The following SLC7A5 variants were observed in gnomAD, a reference collection of about 807,000 sequenced individuals.
The protein encoded by SLC7A5 is large neutral amino acids transporter small subunit 1.
In SLC7A5, 23 loss-of-function variants were observed where a neutral mutation model predicts 50.2. The ratio of observed to expected loss-of-function variants is 0.46; its 90% CI spans 0.33 to 0.65. SLC7A5 has a LOEUF of 0.65. SLC7A5 is among the 30% of genes least tolerant of loss of function. The probability of loss-of-function intolerance (pLI) is 0.02; values close to 1 mark genes in which losing one functional copy is unlikely to be tolerated. For missense variants in SLC7A5, 578 were observed against 684.4 expected (o/e 0.84, Z 1.73); for synonymous variants, 393 against 330.6 (o/e 1.19, Z -2.05).
intron 2 of SLC7A5, among the ~76,000 whole-genome samples, chr16:87,844,818 T>G (rs1597500723): frequency 6.6e-6 from 1 of 152,218 alleles, no homozygotes; most frequent in African/African-American, 2.4e-5. Flanking sequence ...CCCTTGGGGC[T>G]CTAGGTGGAG....
rs767714561 is a variant in SLC7A5, at chr16:87,839,763, T to C, written c.878A>G (p.Asn293Ser). ...PIVTLVYVLTNLAYFTTLSTE... is the reference protein window; with the variant it reads ...PIVTLVYVLTSLAYFTTLSTE... ...GGACAGGGTGGTGAAGTAGGCCAGGTTGGTCAGCACGTACACCAGCGTCAC... is the reference window on the plus strand; with the variant it reads ...GGACAGGGTGGTGAAGTAGGCCAGGCTGGTCAGCACGTACACCAGCGTCAC... The change falls in exon 5 of 10, where the codon AAC (asparagine) becomes AGC (serine). Residue 293 changes from asparagine (N) to serine (S), a missense_variant. Around this residue, in one of 2 missense-constraint regions of SLC7A5, gnomAD observed 465 missense variants for 594.6 expected, o/e 0.78. Transcript: ENST00000261622. 3.1e-6 allele frequency: 5 copies of C among 1,613,590 alleles called. No homozygotes were observed. The African/African-American group carries it at 4.0e-5, about 13-fold the overall frequency.
At position 87,858,431 on chromosome 16, in the gene SLC7A5, C is replaced by T. The variant is rs543482956; in HGVS notation, c.539-6582G>A. ...CATCTGTGGTCCGGAAACCCACGCCCCACTCCAAACCCTCTACAGCTCCAA... is the reference window on the plus strand; with the variant it reads ...CATCTGTGGTCCGGAAACCCACGCCTCACTCCAAACCCTCTACAGCTCCAA... On this transcript the variant is annotated intron_variant, in intron 1 of 9. Transcript: ENST00000261622. Among the ~76,000 whole-genome samples the T allele has an allele frequency of 3.5e-4, 54 of 152,246 alleles. 1 individual carries two copies. The South Asian group carries it at 0.011, about 32-fold the overall frequency.
At chr16:87,858,600 A>G (rs1328805338) in intron 1 of SLC7A5, among the ~76,000 whole-genome samples, 1 of 152,164 alleles carries the variant, frequency 6.6e-6, no homozygotes, top group Non-Finnish European at 1.5e-5. Flanking sequence ...CCACTTGGTG[A>G]AAGTCACACA....
chr16:87,830,534 G>C lies in SLC7A5; in HGVS notation c.*2436C>G, dbSNP rs1056171082. ...CTGTGGAATTCCAGCACAGCAGGAG[G>C]GGGAGGGGGAAGCAGGCCTCAGTCA... On this transcript the variant is annotated 3_prime_UTR_variant, in exon 10 of 10. Coordinates refer to ENST00000261622, the MANE Select transcript of SLC7A5 (RefSeq NM_003486.7). 2 of 152,614 alleles carry C rather than the reference G, an allele frequency of 1.3e-5. No homozygotes were observed. The highest frequency in any genetic ancestry group is 2.9e-5 in the Non-Finnish European group (2 of 68,226). 9.5% of individuals were successfully genotyped at this position (152,614 alleles called of 1,614,324 possible). A position where few individuals can be genotyped will look rare whatever the true frequency, so the allele number is the denominator to read the frequency against.
intron 7 of SLC7A5, among the ~76,000 whole-genome samples, chr16:87,836,991 C>T (rs1031761816): frequency 3.9e-5 from 6 of 152,186 alleles, no homozygotes; most frequent in Non-Finnish European, 7.4e-5. Context: ...GCTCTGTGTG[C>T]GAGGGCCACA....
In SLC7A5 at chr16:87,844,289, G is replaced by A. The variant is rs186702119; in HGVS notation, c.665-3134C>T. Among the ~76,000 whole-genome samples, 212 of 152,310 alleles carry A rather than the reference G, an allele frequency of 1.4e-3. 1 individual carries two copies. In the East Asian group the frequency reaches 0.028, roughly 20 times the overall value. ...GGGGAAGGCAAACTGCAAACGCCGC[G>A]GCGACCCCGGCACAGCAGCCCTGTC... On this transcript the variant is annotated intron_variant, in intron 2 of 9. Transcript: ENST00000261622.
intron 1 of SLC7A5, among the ~76,000 whole-genome samples, chr16:87,859,754 C>T (rs377578329): frequency 1.1e-3 from 173 of 151,916 alleles, no homozygotes; most frequent in African/African-American, 3.7e-3. Context: ...GCCCGACCAA[C>T]ATGGAGAAAC....
chr16:87,868,735 T>G, intron 1 of SLC7A5, 150 bp downstream of exon 1: 1 of 805,608 alleles, frequency 1.2e-6, no homozygotes, highest in Non-Finnish European at 2.1e-6. Context: ...CGCACGTGGT[T>G]TCTGGGACCA....
At chr16:87,866,474 C>CT (rs1262547352) in intron 1 of SLC7A5, among the ~76,000 whole-genome samples, 6 of 150,730 alleles carry the variant, frequency 4.0e-5, no homozygotes, top group East Asian at 3.9e-4. Flanking sequence ...CTGATTTTTG[C>CT]TTTTTTTTTG....
At chr16:87,854,107 C>T (rs1226433669) in intron 1 of SLC7A5, 1 of 148,174 alleles carries the variant, frequency 6.7e-6, no homozygotes, top group African/African-American at 2.5e-5. Flanking sequence ...CCCTGCCTGC[C>T]CAGTTCCAAC....
chr16:87,838,357 T>C (rs529825070), intron 6 of SLC7A5, among the ~76,000 whole-genome samples: 3 of 144,314 alleles, frequency 2.1e-5, no homozygotes, highest in African/African-American at 7.8e-5. Context: ...AGTGGCACCA[T>C]CTCGGCTCAC....
Position 87,839,696 on chromosome 16 carries a change from G to A in SLC7A5, c.939+6C>T, listed in dbSNP as rs1158355942. The A allele has an allele frequency of 2.5e-6, 4 of 1,612,934 alleles. No individual in the cohort carries two copies. The highest frequency in any genetic ancestry group is 2.2e-5 in the East Asian group (1 of 44,870). ...CCCTGGTGGAAGCTGGCGGGTAGCGGCTCACCACGGCCACGGCCTCGGACG... is the reference window on the plus strand; with the variant it reads ...CCCTGGTGGAAGCTGGCGGGTAGCGACTCACCACGGCCACGGCCTCGGACG... On this transcript the variant is annotated splice_donor_region_variant and intron_variant, in intron 5 of 9. Transcript: ENST00000261622.
chr16:87,852,147 C>T lies in SLC7A5; in HGVS notation c.539-298G>A, dbSNP rs985013558. On this transcript the variant is annotated intron_variant, in intron 1 of 9. Transcript: ENST00000261622. This position sits in a 1 kb window ranked among gnomAD's most constrained non-coding sequence, Gnocchi z 4.5. ...CAGGCCATGGAGTCCCACCTGTAGT[C>T]AGGACTTCAAGTGGGGTCACTGCCT... Among the ~76,000 whole-genome samples, 2 of 152,216 alleles carry T rather than the reference C, an allele frequency of 1.3e-5. No homozygotes were observed. Among genetic ancestry groups the T allele is most frequent in the Non-Finnish European group, 2.9e-5 (2 of 68,024 alleles).
At chr16:87,864,803 A>G (rs574482030) in intron 1 of SLC7A5, among the ~76,000 whole-genome samples, 1 of 152,356 alleles carries the variant, frequency 6.6e-6, no homozygotes, top group East Asian at 1.9e-4. Flanking sequence ...ATTAGAATGT[A>G]ACAGACATTG....
rs75220135 is a variant in SLC7A5, at chr16:87,853,701, G to A, written c.539-1852C>T. 9.3e-3 allele frequency among the ~76,000 whole-genome samples: 1,416 copies of A among 152,246 alleles called. 21 individuals are homozygous for A. The highest frequency in any genetic ancestry group is 0.036 in the East Asian group (184 of 5,148). The stretch of plus-strand genomic sequence containing the variant: ...GAAACTGAGCCTCGGGGACCTAGCC[G>A]GCTTCTGGAGAGCTTTCTGGATTCG... On this transcript the variant is annotated intron_variant, in intron 1 of 9. Transcript: ENST00000261622. The surrounding 1 kb of genome is among the most constrained non-coding windows in gnomAD (Gnocchi z 4.4).
rs572168707 is a variant in SLC7A5, at chr16:87,861,219, C to T, written c.538+7666G>A. On this transcript the variant is annotated intron_variant, in intron 1 of 9. Coordinates refer to ENST00000261622, the MANE Select transcript of SLC7A5 (RefSeq NM_003486.7). The surrounding 1 kb of genome is among the most constrained non-coding windows in gnomAD (Gnocchi z 4.2). ...CCTACTGGGGGGCAGAACCCTGTGG[C>T]TGTCCAGGGTACCTGGATGTGAGTC... 6.7e-4 allele frequency among the ~76,000 whole-genome samples: 102 copies of T among 152,312 alleles called. No individual in the cohort carries two copies. The highest frequency in any genetic ancestry group is 1.0e-3 in the Non-Finnish European group (71 of 68,012).
chr16:87,839,792 G>A lies in SLC7A5; in HGVS notation c.849C>T (p.Pro283=). The A allele has an allele frequency of 6.2e-7, 1 of 1,613,976 alleles. No individual in the cohort carries two copies. The part of the protein sequence containing the change: ...NLPLAIIISL[P]IVTLVYVLTN... ...TCAGCACGTACACCAGCGTCACGAT[G>A]GGCAGGGAGATGATGATGGCCAGGG... Residue 283 remains proline, a synonymous_variant, in exon 5 of 10, where the codon CCC becomes CCT. Coordinates refer to ENST00000261622, the MANE Select transcript of SLC7A5 (RefSeq NM_003486.7).
rs1036761949 is a variant in SLC7A5, at chr16:87,862,498, T to A, written c.538+6387A>T. Among the ~76,000 whole-genome samples the A allele has an allele frequency of 1.3e-5, 2 of 152,218 alleles. No individual in the cohort carries two copies. Among genetic ancestry groups the A allele is most frequent in the Non-Finnish European group, 2.9e-5 (2 of 68,040 alleles). On this transcript the variant is annotated intron_variant, in intron 1 of 9. Coordinates refer to ENST00000261622, the MANE Select transcript of SLC7A5 (RefSeq NM_003486.7). The surrounding 1 kb of genome is among the most constrained non-coding windows in gnomAD (Gnocchi z 5.3). ...CTGTGCCGAGCGTGGGTGGGTGACATCATCTCGCACCCAGAGCTCCAGACT... is the reference window on the plus strand; with the variant it reads ...CTGTGCCGAGCGTGGGTGGGTGACAACATCTCGCACCCAGAGCTCCAGACT...
intron 1 of SLC7A5, among the ~76,000 whole-genome samples, chr16:87,863,986 A>AAAAAATATATATATATATATATATAT (rs376938738): frequency 2.4e-5 from 2 of 83,280 alleles, no homozygotes; most frequent in Admixed American, 1.4e-4. Flanking sequence ...ATCATTTAAA[A>AAAAAATATATATATATATATATATAT]ATATATATAT....
Sources: gnomAD v4.1 joint callset for allele counts (sites outside exome capture counted in the v4.1 genomes callset) on GRCh38, gnomAD v4.1.1 for gene constraint, gnomAD v4.1.1 regional missense constraint, Gnocchi (gnomAD v3.1) non-coding constraint, MANE v1.5 for transcripts, NCBI Gene and HGNC (gene_info 2026-07-23, HGNC 2026-07-21) for gene names.